PUS7L: variants seen among roughly 807,000 people sequenced by gnomAD.
The protein encoded by PUS7L is pseudouridine synthase 7 like.
Under a neutral mutation model 51.1 loss-of-function variants are expected in PUS7L, and 49 were observed. The ratio of observed to expected loss-of-function variants is 0.96; its 90% CI spans 0.76 to 1.22. The LOEUF (loss-of-function observed/expected upper bound fraction) is 1.22, where lower values mean the gene tolerates loss of function less well. Ranked by LOEUF, PUS7L falls within the 50% of genes most tolerant of loss-of-function variation. The pLI is 0.00. For missense variants in PUS7L, 828 were observed against 820.6 expected, an observed-to-expected ratio of 1.01 and a Z score of -0.11; for synonymous variants, 277 against 276.2, an observed-to-expected ratio of 1.00 and a Z score of -0.03.
rs1196053567 is a variant in PUS7L, at chr12:43,729,119, T to C, written c.*1257A>G. The C allele has an allele frequency of 5.1e-6, 2 of 395,992 alleles. No individual in the cohort carries two copies. Among genetic ancestry groups the C allele is most frequent in the African/African-American group, 4.1e-5 (2 of 48,578 alleles). 24.5% of individuals were successfully genotyped at this position (395,992 alleles called of 1,614,324 possible). On this transcript the variant is annotated 3_prime_UTR_variant, in exon 9 of 9. Coordinates refer to ENST00000344862, the MANE Select transcript of PUS7L (RefSeq NM_031292.5). The stretch of plus-strand genomic sequence containing the variant: ...TTCATTGCTTTTTTAAATAACTACA[T>C]ATTTTACCATCAAGTTGATACACAT...
chr12:43,758,404 A>T, intron 1 of PUS7L: 1 of 985,374 alleles, frequency 1.0e-6, no homozygotes, highest in South Asian at 4.7e-5. Flanking sequence ...TGGTTGAGGA[A>T]TTCGTTGGCG....
intron 4 of PUS7L, among the ~76,000 whole-genome samples, chr12:43,745,364 T>C (rs1453136825): frequency 6.6e-6 from 1 of 152,234 alleles, no homozygotes; most frequent in Admixed American, 6.5e-5. Context: ...TCCCCACTTG[T>C]CATGGGAGAG....
Position 43,742,507 on chromosome 12 carries a change from T to C in PUS7L, c.1312A>G (p.Arg438Gly), listed in dbSNP as rs768295361. 3 of 1,610,258 alleles carry C rather than the reference T, an allele frequency of 1.9e-6. No homozygotes were observed. Among genetic ancestry groups the C allele is most frequent in the African/African-American group, 1.3e-5 (1 of 74,792 alleles). Residue 438 changes from arginine (R) to glycine (G), a missense_variant, in exon 5 of 9, where the codon AGG (arginine) becomes GGG (glycine). By Grantham distance (125) the Arg-to-Gly change is moderately radical. Transcript: ENST00000344862. ...CCAATTTGGTCTGTGTGAACTTTCC[T>C]TCCCTTCCCAAATCTCTGTGGTCCA... ...YYGPQRFGKG[R>G]KVHTDQIGLA...
chr12:43,732,262 G>A (rs1402728841), intron 7 of PUS7L, among the ~76,000 whole-genome samples: 2 of 151,930 alleles, frequency 1.3e-5, no homozygotes, highest in East Asian at 3.9e-4. Flanking sequence ...GACAACATAG[G>A]GAAATCCTGT....
chr12:43,757,227 G>A (rs747950249), intron 1 of PUS7L, among the ~76,000 whole-genome samples: 9 of 152,164 alleles, frequency 5.9e-5, no homozygotes, highest in Non-Finnish European at 1.0e-4. Flanking sequence ...CTGGAGTGCA[G>A]TGGCATGATC....
chr12:43,745,051 T>C (rs1451734181), intron 4 of PUS7L, among the ~76,000 whole-genome samples: 1 of 152,216 alleles, frequency 6.6e-6, no homozygotes, highest in East Asian at 1.9e-4. Flanking sequence ...GCCATGTTCA[T>C]TCACTTATAT....
chr12:43,740,952 G>A (rs11182240), intron 5 of PUS7L: 4 of 151,946 alleles, frequency 2.6e-5, no homozygotes, highest in African/African-American at 7.3e-5. Flanking sequence ...CTACACATCC[G>A]GGCCAATTGT....
Position 43,757,448 on chromosome 12 carries a change from G to GCTGGGCCTCCCAAAGT in PUS7L, c.-17+1281_-17+1282insACTTTGGGAGGCCCAG. Reference sequence around the variant, plus strand: ...GGCCTCCCAAAGTGCTGGGGTTACAGGCGTGAGCCACCGTGCCCAGCAAGT... The same window carrying GCTGGGCCTCCCAAAGT: ...GGCCTCCCAAAGTGCTGGGGTTACAGCTGGGCCTCCCAAAGTGCGTGAGCCACCGTGCCCAGCAAGT... On this transcript the variant is annotated intron_variant, in intron 1 of 8. Transcript: ENST00000344862. Among the ~76,000 whole-genome samples the GCTGGGCCTCCCAAAGT allele has an allele frequency of 3.3e-5, 5 of 152,304 alleles. 1 individual carries two copies. Among genetic ancestry groups the GCTGGGCCTCCCAAAGT allele is most frequent in the Admixed American group, 3.3e-4 (5 of 15,302 alleles).
rs138160842 is a variant in PUS7L at position 43,740,878 on chromosome 12, T to TCTG, written c.1362+1576_1362+1578dup. On this transcript the variant is annotated intron_variant, in intron 5 of 8. Transcript: ENST00000344862. ...AATAGTTTTAAGCAAGAAAATAAAG[T>TCTG]CTGCCAACAACCACGAGCATGAGCT... 3.3e-5 allele frequency: 5 copies of TCTG among 152,048 alleles called. No individual in the cohort carries two copies. The East Asian group carries it at 9.7e-4, about 29-fold the overall frequency. 9.4% of individuals were successfully genotyped at this position (152,048 alleles called of 1,614,324 possible).
In PUS7L at chr12:43,754,495, T is replaced by C. The variant is rs773049399; in HGVS notation, c.751A>G (p.Lys251Glu). ...HRKAVHHFVN[K>E]KFGNLVETKS... ...GTTTCCACAAGGTTTCCAAACTTTT[T>C]GTTGACAAAATGGTGGACAGCTTTT... The change falls in exon 2 of 9, where the codon AAA (lysine) becomes GAA (glutamate). Residue 251 changes from lysine to glutamate, a missense_variant. Coordinates refer to ENST00000344862, the MANE Select transcript of PUS7L (RefSeq NM_031292.5). The C allele has an allele frequency of 3.7e-6, 6 of 1,613,814 alleles. No homozygotes were observed. In the East Asian group the frequency reaches 6.7e-5, roughly 18 times the overall value.
rs1385473941 is a variant in PUS7L at position 43,720,248 on chromosome 12, C to A, written c.*10128G>T. ...TCTGTAATCCCAGCATTTTGGGAGG[C>A]TGAGGCTGGCAGATCATTTGAGGTC... On this transcript the variant is annotated 3_prime_UTR_variant, in exon 9 of 9. Coordinates refer to ENST00000344862, the MANE Select transcript of PUS7L (RefSeq NM_031292.5). 2.0e-5 allele frequency: 3 copies of A among 152,172 alleles called. No individual in the cohort carries two copies. Among genetic ancestry groups the A allele is most frequent in the Non-Finnish European group, 4.4e-5 (3 of 68,026 alleles). The allele number at this position is 152,172 out of a possible 1,614,324, so 9.4% of individuals were successfully genotyped here.
At chr12:43,754,238 CT>C in intron 2 of PUS7L, 97 bp downstream of exon 2, 2 of 805,552 alleles carry the variant, frequency 2.5e-6, no homozygotes, top group Non-Finnish European at 3.9e-6. Context: ...ATCATATATT[CT>C]TTCCAATCTC....
intron 4 of PUS7L, among the ~76,000 whole-genome samples, chr12:43,743,549 C>G (rs548705950): frequency 5.9e-5 from 9 of 152,218 alleles, no homozygotes; most frequent in East Asian, 1.9e-4. Context: ...GGATCACGAG[C>G]TCAGGAGATG....
chr12:43,750,284 C>A (rs1190397872), intron 2 of PUS7L, among the ~76,000 whole-genome samples: 2 of 152,098 alleles, frequency 1.3e-5, no homozygotes, highest in Non-Finnish European at 2.9e-5. Flanking sequence ...ATATATTTAA[C>A]AAAATCAAAT....
In PUS7L at chr12:43,720,671, G is replaced by C. The variant is rs1388778729; in HGVS notation, c.*9705C>G. 6.6e-6 allele frequency: 1 copy of C among 152,154 alleles called. No homozygotes were observed. The highest frequency in any genetic ancestry group is 1.5e-5 in the Non-Finnish European group (1 of 68,018). 9.4% of individuals were successfully genotyped at this position (152,154 alleles called of 1,614,324 possible). Reference sequence around the variant, plus strand: ...CAATTTCTATAAATGTCCCATGGATGCTTTAAAAGAATAGAGGTTCTGTGG... The same window carrying C: ...CAATTTCTATAAATGTCCCATGGATCCTTTAAAAGAATAGAGGTTCTGTGG... On this transcript the variant is annotated 3_prime_UTR_variant, in exon 9 of 9. Coordinates refer to ENST00000344862, the MANE Select transcript of PUS7L (RefSeq NM_031292.5).
At chr12:43,750,689 AC>A (rs2137744829) in intron 2 of PUS7L, among the ~76,000 whole-genome samples, 1 of 152,318 alleles carries the variant, frequency 6.6e-6, no homozygotes, top group East Asian at 1.9e-4. Context: ...ATCTTTAGAG[AC>A]TGGCAAATAG....
At chr12:43,745,942 C>T (rs1033275101) in intron 4 of PUS7L, 104 bp downstream of exon 4, 6 of 557,042 alleles carry the variant, frequency 1.1e-5, no homozygotes, top group Non-Finnish European at 1.9e-5. Flanking sequence ...TTAAAAATCC[C>T]ATAAAAAGGT....
chr12:43,750,423 CTTAT>C (rs1416064772), intron 2 of PUS7L, among the ~76,000 whole-genome samples: 4 of 152,076 alleles, frequency 2.6e-5, no homozygotes, highest in African/African-American at 9.7e-5. Context: ...TACATTGAAT[CTTAT>C]TTAAGTTAGT....
At position 43,749,255 on chromosome 12, in the gene PUS7L, C is replaced by T. The variant is rs180714958; in HGVS notation, c.911-646G>A. Reference sequence around the variant, plus strand: ...TTGTAATCCCTGGATTAACTAGAGCCTTCAACAGTTTTGTACTTTCGTACA... The same window carrying T: ...TTGTAATCCCTGGATTAACTAGAGCTTTCAACAGTTTTGTACTTTCGTACA... On this transcript the variant is annotated intron_variant, in intron 2 of 8. Coordinates refer to ENST00000344862, the MANE Select transcript of PUS7L (RefSeq NM_031292.5). 1.7e-3 allele frequency among the ~76,000 whole-genome samples: 254 copies of T among 152,292 alleles called. 1 individual carries two copies. The highest frequency in any genetic ancestry group is 5.9e-3 in the African/African-American group (245 of 41,564).
Sources: allele counts gnomAD v4.1 joint callset (sites outside exome capture counted in the v4.1 genomes callset), GRCh38; gene constraint gnomAD v4.1.1; transcripts MANE v1.5; gene names NCBI Gene and HGNC (gene_info 2026-07-23, HGNC 2026-07-21).